PCDH9: variants seen among roughly 807,000 people sequenced by gnomAD.
PCDH9 encodes protocadherin-9.
Under a neutral mutation model 70.6 loss-of-function variants are expected in PCDH9, and 24 were observed. The ratio of observed to expected loss-of-function variants is 0.34; its 90% CI spans 0.25 to 0.48. PCDH9 has a LOEUF of 0.48. Ranked by LOEUF, PCDH9 falls within the 20% of genes least tolerant of loss-of-function variation. The pLI is 0.99. For missense variants in PCDH9, 1,281 were observed against 1,503.6 expected, an observed-to-expected ratio of 0.85 and a Z score of 2.45; for synonymous variants, 562 against 558.5, an observed-to-expected ratio of 1.01 and a Z score of -0.09.
chr13:67,065,717 C>T (rs4884711), intron 2 of PCDH9, among the ~76,000 whole-genome samples: 151,166 of 152,316 alleles, frequency 0.99, 75,025 homozygotes, highest in East Asian at 1. Context: ...TAAAGCCTTA[C>T]GGTTAGTAGG....
At chr13:67,143,835 A>G (rs997800632) in intron 2 of PCDH9, among the ~76,000 whole-genome samples, 5 of 152,156 alleles carry the variant, frequency 3.3e-5, no homozygotes, top group Admixed American at 1.3e-4. Flanking sequence ...ATTCAGTCTC[A>G]TTTAAAGTGT....
In PCDH9 at chr13:66,608,659, A is replaced by G. The variant is rs140836736; in HGVS notation, c.3340+22551T>C. 2.3e-4 allele frequency among the ~76,000 whole-genome samples: 35 copies of G among 151,920 alleles called. No homozygotes were observed. In the East Asian group the frequency reaches 6.4e-3, roughly 28 times the overall value. On this transcript the variant is annotated intron_variant, in intron 4 of 4. Coordinates refer to ENST00000377865, the MANE Select transcript of PCDH9 (RefSeq NM_203487.3). ...AGGCTAATAGAAGATGGCTCTATCA[A>G]ACTCCTCCAAGCAGGAGACACCCTG...
chr13:66,664,779 C>T (rs2139024707), intron 3 of PCDH9, among the ~76,000 whole-genome samples: 1 of 152,148 alleles, frequency 6.6e-6, no homozygotes, highest in East Asian at 1.9e-4. Context: ...ATCATTTCCT[C>T]TATATTCTCA....
At chr13:66,402,182 T>C (rs1459147486) in intron 4 of PCDH9, among the ~76,000 whole-genome samples, 2 of 152,068 alleles carry the variant, frequency 1.3e-5, no homozygotes, top group Non-Finnish European at 2.9e-5. Flanking sequence ...CATGGCCATG[T>C]TAGAACCAAG....
At chr13:67,090,545 G>A (rs200349310) in intron 2 of PCDH9, among the ~76,000 whole-genome samples, 3,868 of 151,780 alleles carry the variant, frequency 0.025, 127 homozygotes, top group South Asian at 0.067. Flanking sequence ...TTATAACTTA[G>A]AAATTGGAGT....
intron 2 of PCDH9, among the ~76,000 whole-genome samples, chr13:66,994,760 T>A (rs1486894660): frequency 6.6e-6 from 1 of 152,142 alleles, no homozygotes; most frequent in African/African-American, 2.4e-5. Context: ...CCTCGGTGCT[T>A]CAGTGACATT....
At chr13:67,169,320 C>T (rs1297705400) in intron 2 of PCDH9, among the ~76,000 whole-genome samples, 5 of 152,238 alleles carry the variant, frequency 3.3e-5, no homozygotes, top group Admixed American at 6.5e-5. Context: ...ATATATTGTA[C>T]AATGCTCATT....
chr13:67,054,896 T>C (rs1321869303), intron 2 of PCDH9, among the ~76,000 whole-genome samples: 1 of 152,098 alleles, frequency 6.6e-6, no homozygotes, highest in Non-Finnish European at 1.5e-5. Context: ...ATACATATAT[T>C]TGAAAGGGGA....
rs527387899 is a variant in PCDH9 at position 67,133,314 on chromosome 13, C to T, written c.3036+92091G>A. Among the ~76,000 whole-genome samples, 42 of 151,940 alleles carry T rather than the reference C, an allele frequency of 2.8e-4. No individual in the cohort carries two copies. In the South Asian group the frequency reaches 4.8e-3, roughly 17 times the overall value. On this transcript the variant is annotated intron_variant, in intron 2 of 4. Coordinates refer to ENST00000377865, the MANE Select transcript of PCDH9 (RefSeq NM_203487.3). ...TTCACAGGATAGAAATAGGGACAAC[C>T]GATAAAAATAACAAAGAAGATTTTA...
At chr13:66,495,831 C>G (rs1189932966) in intron 4 of PCDH9, among the ~76,000 whole-genome samples, 1 of 152,168 alleles carries the variant, frequency 6.6e-6, no homozygotes, top group Non-Finnish European at 1.5e-5. Flanking sequence ...ACAGACACTA[C>G]AATCCCATTG....
At chr13:66,719,688 T>C (rs1055116653) in intron 3 of PCDH9, among the ~76,000 whole-genome samples, 2 of 152,112 alleles carry the variant, frequency 1.3e-5, no homozygotes, top group South Asian at 2.1e-4. Context: ...AAAATAGTAA[T>C]GAAAAAGGAG....
intron 3 of PCDH9, among the ~76,000 whole-genome samples, chr13:66,899,044 T>C (rs192887005): frequency 6.6e-6 from 1 of 152,142 alleles, no homozygotes; most frequent in East Asian, 1.9e-4. Context: ...GGAGTTCTCC[T>C]CTCACGCACC....
chr13:67,049,242 A>G (rs2085278853), intron 2 of PCDH9, among the ~76,000 whole-genome samples: 1 of 152,220 alleles, frequency 6.6e-6, no homozygotes, highest in African/African-American at 2.4e-5. Flanking sequence ...TGGGCCCAGT[A>G]CATTGCTTTA....
intron 2 of PCDH9, among the ~76,000 whole-genome samples, chr13:67,050,482 T>G (rs915159234): frequency 6.6e-6 from 1 of 152,228 alleles, no homozygotes; most frequent in East Asian, 1.9e-4. Context: ...AATTATGTTC[T>G]TGGCATGCTC....
At chr13:66,370,848 G>T (rs1956638194) in intron 4 of PCDH9, among the ~76,000 whole-genome samples, 2 of 151,826 alleles carry the variant, frequency 1.3e-5, no homozygotes. Flanking sequence ...ACTCTTCCTT[G>T]CTATTTTTAC....
intron 3 of PCDH9, among the ~76,000 whole-genome samples, chr13:66,692,982 A>G (rs1232532331): frequency 2.0e-5 from 3 of 152,146 alleles, no homozygotes; most frequent in African/African-American, 7.2e-5. Context: ...TATATGTGGT[A>G]ACAACAATAT....
chr13:66,717,973 T>C (rs1368686231), intron 3 of PCDH9, among the ~76,000 whole-genome samples: 1 of 152,192 alleles, frequency 6.6e-6, no homozygotes, highest in African/African-American at 2.4e-5. Flanking sequence ...ACTGTTGCTA[T>C]TCATAGCTTA....
At chr13:66,982,775 T>A (rs2083801614) in intron 2 of PCDH9, among the ~76,000 whole-genome samples, 1 of 152,222 alleles carries the variant, frequency 6.6e-6, no homozygotes. Context: ...AACACCTGGA[T>A]TCTTCAATCT....
intron 3 of PCDH9, among the ~76,000 whole-genome samples, chr13:66,900,834 A>G (rs1714520825): frequency 6.6e-6 from 1 of 151,728 alleles, no homozygotes; most frequent in Non-Finnish European, 1.5e-5. Context: ...TCTTGTTACT[A>G]TATTAAGGTG....
Sources: allele counts gnomAD v4.1 joint callset (sites outside exome capture counted in the v4.1 genomes callset), GRCh38; gene constraint gnomAD v4.1.1; transcripts MANE v1.5; gene names NCBI Gene and HGNC (gene_info 2026-07-23, HGNC 2026-07-21).